RFX3: variants seen among roughly 807,000 people sequenced by gnomAD.
RFX3 encodes the protein transcription factor RFX3.
In RFX3, 14 loss-of-function variants were observed where a neutral mutation model predicts 98.6. That is an observed-to-expected ratio of 0.14 (90% CI 0.09 to 0.22). The LOEUF is 0.22. Ranked by LOEUF, RFX3 falls within the 10% of genes least tolerant of loss-of-function variation. The pLI is 1.00. For synonymous variants in RFX3, 383 were observed against 328.4 expected, an observed-to-expected ratio of 1.17 and a Z score of -1.80; for missense variants, 639 against 926.9, an observed-to-expected ratio of 0.69 and a Z score of 4.03.
chr9:3,220,660 T>C lies in RFX3; in HGVS notation c.*4382A>G, dbSNP rs1221742316. ...TACCCCCCCCTTTAAAAAAACAGCA[T>C]AATTAGACATTTGGATATAGAGTAT... On this transcript the variant is annotated 3_prime_UTR_variant, in exon 17 of 17. Transcript: ENST00000617270. The C allele has an allele frequency of 6.6e-6, 1 of 151,472 alleles. No homozygotes were observed. The highest frequency in any genetic ancestry group is 1.5e-5 in the Non-Finnish European group (1 of 67,840). The allele number at this position is 151,472 out of a possible 1,614,324, so 9.4% of individuals were successfully genotyped here.
intron 7 of RFX3, among the ~76,000 whole-genome samples, chr9:3,287,228 G>A (rs755980544): frequency 6.6e-6 from 1 of 151,926 alleles, no homozygotes; most frequent in Non-Finnish European, 1.5e-5. Context: ...AACTAGCATG[G>A]ATAGGGAGAT....
At chr9:3,523,078 A>G (rs534677501) in intron 1 of RFX3, among the ~76,000 whole-genome samples, 7 of 152,210 alleles carry the variant, frequency 4.6e-5, no homozygotes, top group Non-Finnish European at 8.8e-5. Context: ...ATATATGTGT[A>G]TATGTATGAT....
At chr9:3,391,152 T>A (rs922792536) in intron 2 of RFX3, among the ~76,000 whole-genome samples, 1 of 152,104 alleles carries the variant, frequency 6.6e-6, no homozygotes, top group Non-Finnish European at 1.5e-5. Context: ...TAAAGGCATT[T>A]TACTATAGTT....
At chr9:3,410,577 T>C (rs1443922589) in intron 1 of RFX3, among the ~76,000 whole-genome samples, 2 of 152,140 alleles carry the variant, frequency 1.3e-5, no homozygotes, top group African/African-American at 4.8e-5. Flanking sequence ...AAGTGTAATT[T>C]TGGGGTGTGA....
intron 15 of RFX3, 70 bp downstream of exon 15, chr9:3,247,962 T>A: frequency 6.2e-7 from 1 of 1,613,862 alleles, no homozygotes; most frequent in Non-Finnish European, 8.5e-7. Context: ...AATAATGTAT[T>A]TAGACTGAAG....
chr9:3,503,721 T>C (rs1420463235), intron 1 of RFX3, among the ~76,000 whole-genome samples: 1 of 152,154 alleles, frequency 6.6e-6, no homozygotes, highest in Admixed American at 6.6e-5. Flanking sequence ...TACAAAGTTT[T>C]ACAAATAAAT....
intron 2 of RFX3, among the ~76,000 whole-genome samples, chr9:3,393,815 G>C (rs571011129): frequency 6.6e-6 from 1 of 152,112 alleles, no homozygotes; most frequent in Non-Finnish European, 1.5e-5. Flanking sequence ...AAGAGATACT[G>C]GGGACTCTAA....
At chr9:3,502,048 G>A (rs1375333915) in intron 1 of RFX3, among the ~76,000 whole-genome samples, 2 of 151,020 alleles carry the variant, frequency 1.3e-5, no homozygotes, top group Admixed American at 6.6e-5. Flanking sequence ...TCAGGAGATC[G>A]AGACCATTCT....
At chr9:3,415,931 C>G (rs984376754) in intron 1 of RFX3, among the ~76,000 whole-genome samples, 6 of 152,312 alleles carry the variant, frequency 3.9e-5, no homozygotes, top group Admixed American at 2.6e-4. Flanking sequence ...CTACCTAGAT[C>G]TCTTCAAACT....
At position 3,495,537 on chromosome 9, in the gene RFX3, T is replaced by C. The variant is rs149715318; in HGVS notation, c.-9+30210A>G. 5.2e-3 allele frequency among the ~76,000 whole-genome samples: 793 copies of C among 152,224 alleles called. 9 individuals carry two copies. Among genetic ancestry groups the C allele is most frequent in the Admixed American group, 7.4e-3 (113 of 15,296 alleles). On this transcript the variant is annotated intron_variant, in intron 1 of 16. Coordinates refer to ENST00000617270, the MANE Select transcript of RFX3 (RefSeq NM_001282116.2). The stretch of plus-strand genomic sequence containing the variant: ...TGGCTTAATAATATGCACACATAAA[T>C]TGTACTCAAGAAAAAAATGATTAAC...
At chr9:3,456,832 A>G in intron 1 of RFX3, among the ~76,000 whole-genome samples, 1 of 152,292 alleles carries the variant, frequency 6.6e-6, no homozygotes, top group Non-Finnish European at 1.5e-5. Flanking sequence ...CTCACAAGTC[A>G]TCTGTCTAAT....
At chr9:3,451,678 C>T (rs1160392060) in intron 1 of RFX3, among the ~76,000 whole-genome samples, 2 of 152,172 alleles carry the variant, frequency 1.3e-5, no homozygotes, top group Admixed American at 6.5e-5. Flanking sequence ...GTGTAGGCTG[C>T]ATATAGTGAC....
rs145015971 is a variant in RFX3 at position 3,525,941 on chromosome 9, GGAGA to G, written c.-207_-204del. 47 of 781,630 alleles carry G rather than the reference GGAGA, an allele frequency of 6.0e-5. No individual in the cohort carries two copies. The highest frequency in any genetic ancestry group is 6.6e-4 in the Middle Eastern group (1 of 1,522). The allele number at this position is 781,630 out of a possible 1,614,324, so 48.4% of individuals were successfully genotyped here. A position where few individuals can be genotyped will look rare whatever the true frequency, so the allele number is the denominator to read the frequency against. On this transcript the variant is annotated 5_prime_UTR_variant, in exon 1 of 17. Coordinates refer to ENST00000617270, the MANE Select transcript of RFX3 (RefSeq NM_001282116.2). ...TAACTCACAAAAGAGAGAGAGAGAG[GGAGA>G]GAGAGAGAGAGCGAGAGGGAGAGGG...
At chr9:3,475,004 C>A (rs1336847652) in intron 1 of RFX3, among the ~76,000 whole-genome samples, 1 of 150,616 alleles carries the variant, frequency 6.6e-6, no homozygotes, top group Non-Finnish European at 1.5e-5. Flanking sequence ...GAGGCTGAGG[C>A]AGGAAGATTG....
At chr9:3,390,603 T>G (rs762015201) in intron 2 of RFX3, among the ~76,000 whole-genome samples, 2 of 152,156 alleles carry the variant, frequency 1.3e-5, no homozygotes, top group Non-Finnish European at 2.9e-5. Flanking sequence ...AGGAACCCGG[T>G]GGGAGGCAAC....
chr9:3,486,146 A>AAG (rs1850253788), intron 1 of RFX3, among the ~76,000 whole-genome samples: 1 of 150,724 alleles, frequency 6.6e-6, no homozygotes, highest in African/African-American at 2.4e-5. Flanking sequence ...AAAAAAAAAA[A>AAG]AAAAAAAGAA....
intron 2 of RFX3, among the ~76,000 whole-genome samples, chr9:3,393,573 A>C (rs1296395043): frequency 2.7e-5 from 4 of 147,168 alleles, no homozygotes; most frequent in Non-Finnish European, 6.0e-5. Flanking sequence ...TAGTTATAAC[A>C]ATGTCTGAAT....
At chr9:3,505,437 T>TTTATTTTATATAAAATAAAATAC (rs1587890027) in intron 1 of RFX3, among the ~76,000 whole-genome samples, 2 of 14,110 alleles carry the variant, frequency 1.4e-4, no homozygotes, top group Non-Finnish European at 3.9e-4. Context: ...AAATAAAATA[T>TTTATTTTATATAAAATAAAATAC]TTTATATTTA....
intron 4 of RFX3, among the ~76,000 whole-genome samples, chr9:3,329,425 A>C (rs958154599): frequency 5.3e-5 from 8 of 150,088 alleles, no homozygotes; most frequent in Admixed American, 2.0e-4. Context: ...AAAAAAAAAA[A>C]AAACAAAAAA....
Sources: gnomAD v4.1 joint callset for allele counts (sites outside exome capture counted in the v4.1 genomes callset) on GRCh38, gnomAD v4.1.1 for gene constraint, MANE v1.5 for transcripts, NCBI Gene and HGNC (gene_info 2026-07-23, HGNC 2026-07-21) for gene names.